ALOX15: variants seen among roughly 807,000 people sequenced by gnomAD.
The protein encoded by ALOX15 is polyunsaturated fatty acid lipoxygenase ALOX15.
In ALOX15, 68 loss-of-function variants were observed where a neutral mutation model predicts 71.7. The observed-to-expected ratio is 0.95, with a 90% CI of 0.78 to 1.16. The LOEUF (loss-of-function observed/expected upper bound fraction) is 1.16. ALOX15 is among the 50% of genes most tolerant of loss of function. The pLI, the probability that ALOX15 is intolerant of heterozygous loss-of-function variation, is 0.00. For synonymous variants in ALOX15, 346 were observed against 333.3 expected (o/e 1.04, Z -0.42); for missense variants, 798 against 818.8 (o/e 0.97, Z 0.31).
chr17:4,641,365 A>AC, intron 1 of ALOX15, 152 bp downstream of exon 1: 1 of 1,102,044 alleles, frequency 9.1e-7, no homozygotes, highest in Non-Finnish European at 1.3e-6. Flanking sequence ...AAAGCCCCCC[A>AC]CCCCCGTGGC....
intron 10 of ALOX15, 68 bp downstream of exon 10, chr17:4,633,078 C>T (rs117508620): frequency 1.2e-6 from 2 of 1,608,796 alleles, no homozygotes; most frequent in East Asian, 2.2e-5. Flanking sequence ...CAGACGCAGA[C>T]CTCCTGCTCT....
chr17:4,635,645 A>C, intron 8 of ALOX15, 114 bp downstream of exon 8: 1 of 1,005,762 alleles, frequency 9.9e-7, no homozygotes, highest in East Asian at 2.5e-5. Flanking sequence ...CACATTGTCC[A>C]TTCATTGTTT....
intron 8 of ALOX15, 21 bp downstream of exon 8, chr17:4,635,738 G>C (rs757216500): frequency 2.5e-6 from 4 of 1,613,168 alleles, no homozygotes; most frequent in African/African-American, 1.3e-5. Context: ...GCAGGCAAGA[G>C]AGAAGGGGAT....
Position 4,639,146 on chromosome 17 carries a change from G to C in ALOX15, c.338-14C>G. On this transcript the variant is annotated splice_polypyrimidine_tract_variant and intron_variant, in intron 2 of 13. Coordinates refer to ENST00000293761, the MANE Select transcript of ALOX15 (RefSeq NM_001140.5). ...CCACAGTGCGGCCTAGAAGGACAGA[G>C]GAGGACTTGGCCAGTGACTTTTGGT... The C allele has an allele frequency of 6.2e-7, 1 of 1,613,990 alleles. No homozygotes were observed. The highest frequency in any genetic ancestry group is 8.5e-7 in the Non-Finnish European group (1 of 1,179,954).
chr17:4,632,122 C>G, intron 12 of ALOX15, 59 bp downstream of exon 12: 1 of 1,613,070 alleles, frequency 6.2e-7, no homozygotes, highest in Non-Finnish European at 8.5e-7. Flanking sequence ...TCCACCTGCA[C>G]ACAGACCCCT....
Position 4,638,849 on chromosome 17 carries a change from C to T in ALOX15, c.542+1G>A. 2 of 1,614,102 alleles carry T rather than the reference C, an allele frequency of 1.2e-6. No individual in the cohort carries two copies. The highest frequency in any genetic ancestry group is 2.2e-5 in the East Asian group (1 of 44,898). On this transcript the variant is annotated splice_donor_variant, in intron 4 of 13. Transcript: ENST00000293761. LOFTEE classifies it high-confidence loss of function. ...CTCACCCAGCCTCCCCTTGCTCTCA[C>T]CCCTTGGCCAGCGAAACCTCAAAGT...
In ALOX15 at chr17:4,631,551, G is replaced by A. The variant is rs768986002; in HGVS notation, c.*49C>T. On this transcript the variant is annotated 3_prime_UTR_variant, in exon 14 of 14. Coordinates refer to ENST00000293761, the MANE Select transcript of ALOX15 (RefSeq NM_001140.5). ...CAGGGCTATAACCACGAAGGGGTCA[G>A]CTTGTGGCTTGGGTGATGGGGGCTG... 3.1e-6 allele frequency: 5 copies of A among 1,603,162 alleles called. No individual in the cohort carries two copies. In the South Asian group the frequency reaches 4.5e-5, roughly 14 times the overall value.
Position 4,639,549 on chromosome 17 carries a change from T to C in ALOX15, c.218A>G (p.Asp73Gly). The C allele has an allele frequency of 6.2e-7, 1 of 1,613,852 alleles. No homozygotes were observed. The highest frequency in any genetic ancestry group is 8.5e-7 in the Non-Finnish European group (1 of 1,179,972). Reference sequence around the variant, plus strand: ...GATCCAGTTGCAGAACCAGGCGTCGTCCTTAAGGAGGTGCCGTTTGCGCAG... The same window carrying C: ...GATCCAGTTGCAGAACCAGGCGTCGCCCTTAAGGAGGTGCCGTTTGCGCAG... ...VKLRKRHLLK[D>G]DAWFCNWISV... The change falls in exon 2 of 14, where the codon GAC becomes GGC. Residue 73 changes from aspartate to glycine, a missense_variant. Physicochemically the swap from Asp to Gly is moderately conservative, Grantham distance 94. Coordinates refer to ENST00000293761, the MANE Select transcript of ALOX15 (RefSeq NM_001140.5).
chr17:4,631,562 G>A lies in ALOX15; in HGVS notation c.*38C>T, dbSNP rs751354299. The stretch of plus-strand genomic sequence containing the variant: ...CCACGAAGGGGTCAGCTTGTGGCTT[G>A]GGTGATGGGGGCTGAAATAACCAAA... On this transcript the variant is annotated 3_prime_UTR_variant, in exon 14 of 14. Transcript: ENST00000293761. The A allele has an allele frequency of 7.5e-6, 12 of 1,603,474 alleles. No individual in the cohort carries two copies. Among genetic ancestry groups the A allele is most frequent in the Non-Finnish European group, 1.0e-5 (12 of 1,177,112 alleles).
chr17:4,632,884 C>A lies in ALOX15; in HGVS notation c.1517G>T (p.Gly506Val). ...ACCTCGGTCCTGGGCCCCTTGCAGC[C>A]CGATTTCAGTGATCTCTCGACACCA... Reference protein sequence around the residue: ...QTWCREITEIGLQGAQDRGFP... With the variant: ...QTWCREITEIVLQGAQDRGFP... The change falls in exon 11 of 14, where the codon GGG becomes GTG. Residue 506 changes from glycine to valine, a missense_variant. Transcript: ENST00000293761. The A allele has an allele frequency of 6.2e-7, 1 of 1,614,078 alleles. No homozygotes were observed. Among genetic ancestry groups the A allele is most frequent in the Non-Finnish European group, 8.5e-7 (1 of 1,179,990 alleles).
At chr17:4,632,696 G>C (rs1910954786) in intron 11 of ALOX15, among the ~76,000 whole-genome samples, 165 bp downstream of exon 11, 1 of 152,182 alleles carries the variant, frequency 6.6e-6, no homozygotes, top group Admixed American at 6.5e-5. Flanking sequence ...TCAGTGTGTA[G>C]GACGGGGACC....
Position 4,638,216 on chromosome 17 carries a change from C to A in ALOX15, c.807+1G>T. The A allele has an allele frequency of 3.0e-6, 2 of 663,858 alleles. No individual in the cohort carries two copies. Among genetic ancestry groups the A allele is most frequent in the Non-Finnish European group, 5.2e-6 (2 of 385,670 alleles). 41.1% of individuals were successfully genotyped at this position (663,858 alleles called of 1,614,324 possible). On this transcript the variant is annotated splice_donor_variant, in intron 6 of 13. Transcript: ENST00000293761. LOFTEE classifies it high-confidence loss of function. ...CTTCCTCAGGGCTCTGATGTCCATACCTCCAGCTCCTTCTCCAGCTGGGCC... is the reference window on the plus strand; with the variant it reads ...CTTCCTCAGGGCTCTGATGTCCATAACTCCAGCTCCTTCTCCAGCTGGGCC...
intron 8 of ALOX15, 76 bp from the exon 9 acceptor site, chr17:4,633,576 C>A: frequency 8.0e-7 from 1 of 1,255,752 alleles, no homozygotes; most frequent in Non-Finnish European, 1.2e-6. Flanking sequence ...GGGCTGACAG[C>A]AGGAAAGGCA....
intron 8 of ALOX15, among the ~76,000 whole-genome samples, chr17:4,634,146 A>C (rs1187161404): frequency 1.3e-5 from 2 of 152,238 alleles, no homozygotes; most frequent in African/African-American, 4.8e-5. Flanking sequence ...ATTTACTTAC[A>C]GAACAAACCT....
Position 4,633,139 on chromosome 17 carries a change from G to A in ALOX15, c.1418+7C>T. On this transcript the variant is annotated splice_region_variant and intron_variant, in intron 10 of 13. Coordinates refer to ENST00000293761, the MANE Select transcript of ALOX15 (RefSeq NM_001140.5). ...TGCACCCCCACTGGCCTTCCCGCTT[G>A]CCTCACCGATAGATGATTTCCCAGA... The A allele has an allele frequency of 6.2e-7, 1 of 1,613,046 alleles. No homozygotes were observed. Among genetic ancestry groups the A allele is most frequent in the South Asian group, 1.1e-5 (1 of 91,008 alleles).
Position 4,633,103 on chromosome 17 carries a change from C to T in ALOX15, c.1418+43G>A, listed in dbSNP as rs1567646620. The T allele has an allele frequency of 2.5e-6, 4 of 1,608,274 alleles. 1 individual carries two copies. The Admixed American group carries it at 6.7e-5, about 27-fold the overall frequency. ...CCTCCTGCTCTCCTACATGTCTTCT[C>T]CACCCCCACTTGCACCCCCACTGGC... On this transcript the variant is annotated intron_variant, in intron 10 of 13. Transcript: ENST00000293761.
Position 4,639,120 on chromosome 17 carries a change from C to T in ALOX15, c.350G>A (p.Gly117Asp). 6.2e-7 allele frequency: 1 copy of T among 1,614,184 alleles called. No individual in the cohort carries two copies. Among genetic ancestry groups the T allele is most frequent in the Non-Finnish European group, 8.5e-7 (1 of 1,180,040 alleles). Residue 117 changes from glycine (G) to aspartate (D), a missense_variant, in exon 3 of 14, where the codon GGC becomes GAC. By Grantham distance (94) the Gly-to-Asp change is moderately conservative. Transcript: ENST00000293761. ...SLPEGTGRTVGEDPQGLFQKH... is the reference protein window; with the variant it reads ...SLPEGTGRTVDEDPQGLFQKH... ...CTGGAACAGGCCCTGAGGGTCCTCG[C>T]CCACAGTGCGGCCTAGAAGGACAGA...
At chr17:4,639,227 G>A (rs1911229930) in intron 2 of ALOX15, 95 bp from the exon 3 acceptor site, 2 of 1,497,610 alleles carry the variant, frequency 1.3e-6, no homozygotes, top group Non-Finnish European at 1.8e-6. Context: ...CTTCTGTGTG[G>A]CCTCTGCCCC....
At chr17:4,639,302 G>T in intron 2 of ALOX15, 128 bp downstream of exon 2, 1 of 1,380,830 alleles carries the variant, frequency 7.2e-7, no homozygotes, top group South Asian at 1.3e-5. Flanking sequence ...CCGCCCCTTC[G>T]ACACCCCCAA....
Sources: gnomAD v4.1 joint callset for allele counts (sites outside exome capture counted in the v4.1 genomes callset) on GRCh38, gnomAD v4.1.1 for gene constraint, MANE v1.5 for transcripts, NCBI Gene and HGNC (gene_info 2026-07-23, HGNC 2026-07-21) for gene names.